The following MGST1 variants were observed in gnomAD, a reference collection of about 807,000 sequenced individuals.
MGST1 encodes glutathione S-transferase 12.
MGST1 carries 5 observed loss-of-function variants against 8.9 expected under a neutral mutation model. The observed-to-expected ratio is 0.56, with a 90% CI of 0.29 to 1.19. MGST1 has a LOEUF of 1.19. Ranked by LOEUF, MGST1 falls within the 50% of genes most tolerant of loss-of-function variation. The pLI is 0.08. For missense variants in MGST1, 182 were observed against 187.4 expected (o/e 0.97, Z 0.17); for synonymous variants, 54 against 67.8 (o/e 0.80, Z 1.00).
intron 1 of MGST1, among the ~76,000 whole-genome samples, chr12:16,423,540 CCCTAA>C (rs1227732708): frequency 1.7e-5 from 1 of 59,142 alleles, no homozygotes; most frequent in Admixed American, 2.1e-4. Flanking sequence ...ATTTTGTTGT[CCCTAA>C]CCTATGTACA....
chr12:16,494,426 G>A (rs1032418808), intron 4 of MGST1, among the ~76,000 whole-genome samples: 2 of 152,088 alleles, frequency 1.3e-5, no homozygotes, highest in African/African-American at 4.8e-5. Context: ...TGTACACTTT[G>A]TGTATTTCAT....
chr12:16,414,068 A>T (rs11056925), intron 1 of MGST1, among the ~76,000 whole-genome samples: 28,279 of 140,390 alleles, frequency 0.2, 3,085 homozygotes, highest in East Asian at 0.51. Flanking sequence ...TATACAAAAA[A>T]AAAAATAATA....
chr12:16,453,304 G>T (rs1426870056), intron 4 of MGST1, among the ~76,000 whole-genome samples: 1 of 151,908 alleles, frequency 6.6e-6, no homozygotes, highest in Non-Finnish European at 1.5e-5. Context: ...GTTAAATTCT[G>T]AAGCTTTTCC....
At chr12:16,365,371 T>G (rs1449435938), downstream of MGST1, among the ~76,000 whole-genome samples, 1 of 152,172 alleles carries the variant, frequency 6.6e-6, no homozygotes, top group Non-Finnish European at 1.5e-5. Flanking sequence ...TATTAGTTTT[T>G]GATTTTCATA....
At chr12:16,400,664 A>G in intron 1 of MGST1, 3 of 1,498,542 alleles carry the variant, frequency 2.0e-6, no homozygotes, top group South Asian at 2.3e-5. Flanking sequence ...AGGGTTAGGA[A>G]AGATGTTGCC....
Position 16,501,479 on chromosome 12 carries a change from T to A in MGST1, n.483-88049T>A, listed in dbSNP as rs368470694. Among the ~76,000 whole-genome samples the A allele has an allele frequency of 3.2e-4, 48 of 152,356 alleles. 2 individuals carry two copies. The East Asian group carries it at 5.0e-3, about 16-fold the overall frequency. The stretch of plus-strand genomic sequence containing the variant: ...TCCTTTTGGTTCATTTACTGCCATA[T>A]GTTACTTGAGTAATGAAAACCTATT... On this transcript the variant is annotated intron_variant and non_coding_transcript_variant, in intron 4 of 4. Coordinates refer to the MGST1 transcript ENST00000538857.
intron 1 of MGST1, among the ~76,000 whole-genome samples, chr12:16,387,016 G>T (rs537824392): frequency 1.2e-4 from 18 of 152,164 alleles, no homozygotes; most frequent in African/African-American, 4.3e-4. Context: ...CAAAGTCCAA[G>T]AGTAGTAATG....
intron 1 of MGST1, among the ~76,000 whole-genome samples, chr12:16,405,296 C>G (rs1940690177): frequency 6.6e-6 from 1 of 152,088 alleles, no homozygotes; most frequent in Admixed American, 6.5e-5. Flanking sequence ...CACCCCTACA[C>G]ACACAAACTA....
intron 4 of MGST1, among the ~76,000 whole-genome samples, chr12:16,522,882 T>C (rs10772944): frequency 0.48 from 72,173 of 151,802 alleles, 17,766 homozygotes; most frequent in Admixed American, 0.57. Context: ...GTAATCAAGC[T>C]GTATCTCAAG....
rs879900569 is a variant in MGST1, at chr12:16,585,813, C to G, written n.483-3715C>G. ...ACAATTGTTAGAAAGTAAATTTGAT[C>G]TGGGCTTCCCAGGAAACAAAGAAAA... On this transcript the variant is annotated intron_variant and non_coding_transcript_variant, in intron 4 of 4. Transcript: ENST00000538857. This position sits in a 1 kb window ranked among gnomAD's most constrained non-coding sequence, Gnocchi z 4.7. Among the ~76,000 whole-genome samples the G allele has an allele frequency of 2.0e-5, 3 of 152,146 alleles. No homozygotes were observed. Among genetic ancestry groups the G allele is most frequent in the Admixed American group, 6.6e-5 (1 of 15,258 alleles).
At chr12:16,533,229 A>T (rs563590716) in intron 4 of MGST1, among the ~76,000 whole-genome samples, 1 of 152,272 alleles carries the variant, frequency 6.6e-6, no homozygotes, top group African/African-American at 2.4e-5. Flanking sequence ...AATTATGGAT[A>T]ATCTGGTATT....
intron 1 of MGST1, among the ~76,000 whole-genome samples, chr12:16,426,222 A>C (rs1940885519): frequency 6.6e-6 from 1 of 152,182 alleles, no homozygotes; most frequent in Admixed American, 6.5e-5. Context: ...ATAGGGTTCC[A>C]TTCATCTTAC....
chr12:16,402,576 T>C (rs1940666953), intron 1 of MGST1, among the ~76,000 whole-genome samples: 1 of 152,200 alleles, frequency 6.6e-6, no homozygotes, highest in African/African-American at 2.4e-5. Context: ...TATAGTACCA[T>C]TTTCTTTTTT....
intron 1 of MGST1, among the ~76,000 whole-genome samples, chr12:16,424,306 A>G (rs554361719): frequency 2.2e-4 from 34 of 152,206 alleles, no homozygotes; most frequent in Non-Finnish European, 4.3e-4. Flanking sequence ...AGCCTTCCTG[A>G]AAGAACTTTG....
At chr12:16,358,649 G>T (rs964325375) in intron 3 of MGST1, among the ~76,000 whole-genome samples, 8 of 151,854 alleles carry the variant, frequency 5.3e-5, no homozygotes, top group African/African-American at 1.9e-4. Flanking sequence ...TGTATTTTCA[G>T]TAGAGGCTGG....
At chr12:16,580,565 G>A (rs1943127989) in intron 4 of MGST1, among the ~76,000 whole-genome samples, 2 of 152,136 alleles carry the variant, frequency 1.3e-5, no homozygotes, top group Admixed American at 6.5e-5. Context: ...ATCTGAACAA[G>A]GATCAGGTAG....
chr12:16,588,446 T>C (rs1943390782), intron 4 of MGST1, among the ~76,000 whole-genome samples: 1 of 152,074 alleles, frequency 6.6e-6, no homozygotes, highest in Non-Finnish European at 1.5e-5. Flanking sequence ...AATATAATTC[T>C]ACTCTATGGA....
At chr12:16,374,697 A>G (rs1048050914) in intron 3 of MGST1, among the ~76,000 whole-genome samples, 8 of 152,192 alleles carry the variant, frequency 5.3e-5, no homozygotes, top group African/African-American at 1.9e-4. Context: ...AAATAATTCA[A>G]ATATTCACTA....
intron 4 of MGST1, among the ~76,000 whole-genome samples, chr12:16,481,144 A>G (rs1003578608): frequency 2.6e-5 from 4 of 152,182 alleles, no homozygotes; most frequent in Admixed American, 2.0e-4. Flanking sequence ...CAAACAAACA[A>G]AAAAAGCCCT....
Sources: gnomAD v4.1 joint callset for allele counts (sites outside exome capture counted in the v4.1 genomes callset) on GRCh38, gnomAD v4.1.1 for gene constraint, Gnocchi (gnomAD v3.1) non-coding constraint, MANE v1.5 for transcripts, NCBI Gene and HGNC (gene_info 2026-07-23, HGNC 2026-07-21) for gene names.